ASIC2: variants seen among roughly 807,000 people sequenced by gnomAD.
The protein encoded by ASIC2 is acid-sensing ion channel 2.
ASIC2 carries 25 observed loss-of-function variants against 57.3 expected under a neutral mutation model. The observed-to-expected ratio is 0.44, with a 90% CI of 0.32 to 0.61. The LOEUF (loss-of-function observed/expected upper bound fraction) is 0.61, where lower values mean the gene tolerates loss of function less well. Among genes scored for constraint, ASIC2 ranks in the 20% least tolerant of loss-of-function variants. ASIC2 has a pLI of 0.06. For missense variants in ASIC2, 641 were observed against 738.1 expected (o/e 0.87, Z 1.52); for synonymous variants, 319 against 307.5 (o/e 1.04, Z -0.39).
intron 1 of ASIC2, chr17:33,816,795 T>C (rs1372936273): frequency 6.6e-6 from 1 of 152,070 alleles, no homozygotes; most frequent in Non-Finnish European, 1.5e-5. Flanking sequence ...TCAAATGGAG[T>C]CTCTGCCAGT....
intron 1 of ASIC2, among the ~76,000 whole-genome samples, chr17:33,407,657 C>G (rs1382958882): frequency 1.3e-5 from 2 of 152,194 alleles, no homozygotes; most frequent in African/African-American, 4.8e-5. Context: ...AGTAATGAAA[C>G]AGTCTGATTA....
chr17:33,479,992 GC>G (rs1324236282), intron 1 of ASIC2, among the ~76,000 whole-genome samples: 7 of 152,130 alleles, frequency 4.6e-5, no homozygotes, highest in African/African-American at 1.7e-4. Context: ...TGAACGCTTT[GC>G]CTTCATACCC....
chr17:33,617,844 T>C (rs8073522), intron 1 of ASIC2, among the ~76,000 whole-genome samples: 5,367 of 152,260 alleles, frequency 0.035, 274 homozygotes, highest in African/African-American at 0.11. Context: ...ATTATATCAA[T>C]AATTACGTGT....
chr17:33,580,081 G>T (rs1288683981), intron 1 of ASIC2: 3 of 152,150 alleles, frequency 2.0e-5, no homozygotes, highest in African/African-American at 7.2e-5. Context: ...GACCCAGAAG[G>T]CCAGCTGGCT....
chr17:33,485,841 C>T (rs1235518225), intron 1 of ASIC2, among the ~76,000 whole-genome samples: 3 of 152,198 alleles, frequency 2.0e-5, no homozygotes, highest in East Asian at 1.9e-4. Context: ...ACCCCAGTCC[C>T]GAGAGAACCT....
intron 1 of ASIC2, among the ~76,000 whole-genome samples, chr17:33,847,052 T>C (rs1483612281): frequency 1.3e-5 from 2 of 151,908 alleles, no homozygotes; most frequent in Non-Finnish European, 2.9e-5. Context: ...AGGAGGAGTC[T>C]CCAGTTCCAG....
chr17:33,123,922 G>T (rs147090967), intron 1 of ASIC2, among the ~76,000 whole-genome samples: 11 of 152,312 alleles, frequency 7.2e-5, no homozygotes, highest in African/African-American at 2.6e-4. Flanking sequence ...GGTTAATTTT[G>T]CGTTATTCTA....
chr17:33,267,297 T>C (rs1188785234), intron 1 of ASIC2, among the ~76,000 whole-genome samples: 1 of 152,170 alleles, frequency 6.6e-6, no homozygotes, highest in Non-Finnish European at 1.5e-5. Flanking sequence ...CTTTCTAAAG[T>C]TGTCTTTAAC....
rs113934959 is a variant in ASIC2, at chr17:33,700,312, T to C, written c.555+455666A>G. ...GTTTTCTGTTGATAGTTTGTAACCA[T>C]GACCTTGACCTCTCTTGGATTTGGT... On this transcript the variant is annotated intron_variant, in intron 1 of 9. Transcript: ENST00000359872. 8.5e-4 allele frequency among the ~76,000 whole-genome samples: 129 copies of C among 152,322 alleles called. 2 individuals carry two copies. Among genetic ancestry groups the C allele is most frequent in the African/African-American group, 3.0e-3 (124 of 41,572 alleles).
At chr17:33,613,885 T>A (rs1441245849) in intron 1 of ASIC2, among the ~76,000 whole-genome samples, 1 of 152,212 alleles carries the variant, frequency 6.6e-6, no homozygotes, top group African/African-American at 2.4e-5. Flanking sequence ...ACTCTTTGCT[T>A]CCAATATTGT....
chr17:33,949,404 C>G (rs1444290358), intron 1 of ASIC2, among the ~76,000 whole-genome samples: 2 of 152,196 alleles, frequency 1.3e-5, no homozygotes, highest in Non-Finnish European at 2.9e-5. Flanking sequence ...TCTGCATAGC[C>G]TGGCACCACA....
At chr17:33,817,449 A>C (rs910447972) in intron 1 of ASIC2, among the ~76,000 whole-genome samples, 1 of 152,164 alleles carries the variant, frequency 6.6e-6, no homozygotes, top group Non-Finnish European at 1.5e-5. Flanking sequence ...TCACAGACCT[A>C]ACTGGTGCTG....
chr17:34,037,794 C>T lies in ASIC2; in HGVS notation c.555+118184G>A, dbSNP rs1453419640. 3.7e-6 allele frequency: 6 copies of T among 1,614,086 alleles called. No homozygotes were observed. In the African/African-American group the frequency reaches 6.7e-5, roughly 18 times the overall value. ...TAGGCCAAGCATCGTCGAATCAACGCCTTTGCTTCAGGTGTTACTACCGGC... is the reference window on the plus strand; with the variant it reads ...TAGGCCAAGCATCGTCGAATCAACGTCTTTGCTTCAGGTGTTACTACCGGC... On this transcript the variant is annotated intron_variant, in intron 1 of 9. Transcript: ENST00000359872.
In ASIC2 at chr17:33,305,147, T is replaced by C. The variant is rs189140465; in HGVS notation, c.556-193080A>G. Among the ~76,000 whole-genome samples, 32 of 152,314 alleles carry C rather than the reference T, an allele frequency of 2.1e-4. No homozygotes were observed. The South Asian group carries it at 3.3e-3, about 16-fold the overall frequency. ...TAGGAACTTTGCATGCATTATTTCA[T>C]TTAACTCCCACGGTATCCCTAACAA... On this transcript the variant is annotated intron_variant, in intron 1 of 9. Transcript: ENST00000359872.
intron 1 of ASIC2, among the ~76,000 whole-genome samples, chr17:33,478,238 G>A (rs1913292361): frequency 6.6e-6 from 1 of 152,244 alleles, no homozygotes; most frequent in Admixed American, 6.5e-5. Context: ...TGGCCAAACT[G>A]TGAGAGCTCT....
At chr17:33,404,103 G>A (rs1029816317) in intron 1 of ASIC2, among the ~76,000 whole-genome samples, 17 of 152,224 alleles carry the variant, frequency 1.1e-4, no homozygotes, top group Admixed American at 1.1e-3. Context: ...AGCTTGAGTT[G>A]CCAAGTTTGG....
intron 1 of ASIC2, among the ~76,000 whole-genome samples, chr17:33,772,324 C>T (rs1290271868): frequency 6.6e-6 from 1 of 152,200 alleles, no homozygotes; most frequent in Non-Finnish European, 1.5e-5. Context: ...CCTAAGCAGT[C>T]TATTAGCATT....
intron 1 of ASIC2, among the ~76,000 whole-genome samples, chr17:34,107,945 CT>C (rs1372944614): frequency 3.9e-5 from 6 of 152,088 alleles, no homozygotes; most frequent in African/African-American, 1.4e-4. Context: ...TCCATCCCAC[CT>C]CGCCTCACAC....
chr17:33,436,179 A>G (rs1911600723), intron 1 of ASIC2, among the ~76,000 whole-genome samples: 1 of 152,238 alleles, frequency 6.6e-6, no homozygotes, highest in African/African-American at 2.4e-5. Flanking sequence ...TGAAGCAAGG[A>G]TGATAATAGC....
Sources: allele counts gnomAD v4.1 joint callset (sites outside exome capture counted in the v4.1 genomes callset), GRCh38; gene constraint gnomAD v4.1.1; transcripts MANE v1.5; gene names NCBI Gene and HGNC (gene_info 2026-07-23, HGNC 2026-07-21).